DDX18: variants seen among roughly 807,000 people sequenced by gnomAD.
DDX18 encodes DEAD-box helicase 18.
Under a neutral mutation model 73.5 loss-of-function variants are expected in DDX18, and 23 were observed. The observed-to-expected ratio is 0.31, with a 90% CI of 0.23 to 0.44. The LOEUF (loss-of-function observed/expected upper bound fraction) is 0.44, where lower values mean the gene tolerates loss of function less well. DDX18 is among the 20% of genes least tolerant of loss of function. DDX18 has a pLI of 1.00. For synonymous variants in DDX18, 268 were observed against 282.7 expected, an observed-to-expected ratio of 0.95 and a Z score of 0.52; for missense variants, 753 against 792.9, an observed-to-expected ratio of 0.95 and a Z score of 0.60.
chr2:117,819,776 G>T lies in DDX18; in HGVS notation c.498G>T (p.Leu166=), dbSNP rs750919150. The T allele has an allele frequency of 3.8e-6, 6 of 1,591,284 alleles. No individual in the cohort carries two copies. Among genetic ancestry groups the T allele is most frequent in the Non-Finnish European group, 5.1e-6 (6 of 1,172,586 alleles). Residue 166 remains leucine (L), a synonymous_variant, in exon 3 of 14, where the codon CTG becomes CTT. Coordinates refer to ENST00000263239, the MANE Select transcript of DDX18 (RefSeq NM_006773.4). The stretch of plus-strand genomic sequence containing the variant: ...AAGATGAGAGTGAGGTGCCCAGTCT[G>T]CCCCTGGGACTGACAGGTAACGTCC... ...NDEDESEVPS[L]PLGLTGAFED...
rs1171377766 is a variant in DDX18 at position 117,829,353 on chromosome 2, A to C, written c.1757A>C (p.Tyr586Ser). 2 of 1,613,880 alleles carry C rather than the reference A, an allele frequency of 1.2e-6. No individual in the cohort carries two copies. Among genetic ancestry groups the C allele is most frequent in the Non-Finnish European group, 1.7e-6 (2 of 1,179,952 alleles). Reference sequence around the variant, plus strand: ...TCAGCCCAGGAAGCATATAAGTCATACATACGAGCCTATGATTCCCATTCT... The same window carrying C: ...TCAGCCCAGGAAGCATATAAGTCATCCATACGAGCCTATGATTCCCATTCT... The part of the protein sequence containing the change: ...HKSAQEAYKS[Y>S]IRAYDSHSLK... Residue 586 changes from tyrosine to serine, a missense_variant, in exon 13 of 14, where the codon TAC becomes TCC. Physicochemically the swap from Tyr to Ser is moderately radical, Grantham distance 144. Around this residue, in one of 3 missense-constraint regions of DDX18, gnomAD observed 402 missense variants for 419.4 expected, o/e 0.96. Coordinates refer to ENST00000263239, the MANE Select transcript of DDX18 (RefSeq NM_006773.4).
chr2:117,825,551 T>G lies in DDX18; in HGVS notation c.1473T>G (p.Ile491Met), dbSNP rs751260668. Residue 491 changes from isoleucine to methionine, a missense_variant, in exon 10 of 14, where the codon ATT (isoleucine) becomes ATG (methionine). By Grantham distance (10) the Ile-to-Met change is conservative. Around this residue, in one of 3 missense-constraint regions of DDX18, gnomAD observed 402 missense variants for 419.4 expected, o/e 0.96. Coordinates refer to ENST00000263239, the MANE Select transcript of DDX18 (RefSeq NM_006773.4). Reference sequence around the variant, plus strand: ...ATGTGGCAGCGAGAGGACTAGACATTCCTGAAGTCGACTGGATTGTTCAGT... The same window carrying G: ...ATGTGGCAGCGAGAGGACTAGACATGCCTGAAGTCGACTGGATTGTTCAGT... ...CTDVAARGLD[I>M]PEVDWIVQYD... The G allele has an allele frequency of 6.2e-7, 1 of 1,614,188 alleles. No individual in the cohort carries two copies. The highest frequency in any genetic ancestry group is 8.5e-7 in the Non-Finnish European group (1 of 1,180,002).
intron 11 of DDX18, chr2:117,827,113 C>T (rs1295516666): frequency 6.6e-6 from 1 of 152,274 alleles, no homozygotes; most frequent in African/African-American, 2.4e-5. Flanking sequence ...TCCTGCCTGA[C>T]ATTTACATCC....
At position 117,830,871 on chromosome 2, in the gene DDX18, T is replaced by TA. The variant is rs1361148993; in HGVS notation, c.*148dup. On this transcript the variant is annotated 3_prime_UTR_variant, in exon 14 of 14. Transcript: ENST00000263239. The stretch of plus-strand genomic sequence containing the variant: ...TTGGGTTGCAAGCACTGAGCACTGT[T>TA]ACTTCTATCACGTCTCTCTTTTATT... The TA allele has an allele frequency of 1.8e-5, 15 of 836,332 alleles. No homozygotes were observed. The highest frequency in any genetic ancestry group is 9.2e-6 in the Non-Finnish European group (5 of 541,308). 51.8% of individuals were successfully genotyped at this position (836,332 alleles called of 1,614,324 possible). A position where few individuals can be genotyped will look rare whatever the true frequency, so the allele number is the denominator to read the frequency against.
chr2:117,829,559 C>T, intron 13 of DDX18, 93 bp downstream of exon 13: 1 of 1,179,624 alleles, frequency 8.5e-7, no homozygotes, highest in South Asian at 1.5e-5. Context: ...GGTATGTGTT[C>T]TGGCTCAGAC....
At chr2:117,823,265 T>C (rs991380983) in intron 7 of DDX18, among the ~76,000 whole-genome samples, 4 of 152,196 alleles carry the variant, frequency 2.6e-5, no homozygotes, top group African/African-American at 9.6e-5. Flanking sequence ...ATAGAGATTA[T>C]TGGAGGAAGA....
intron 13 of DDX18, among the ~76,000 whole-genome samples, chr2:117,829,952 G>A (rs1179698995): frequency 6.6e-6 from 1 of 152,134 alleles, no homozygotes; most frequent in South Asian, 2.1e-4. Context: ...ATAAAACTTA[G>A]GTGTTGCTTA....
At position 117,821,190 on chromosome 2, in the gene DDX18, C is replaced by G. The variant is rs771993622; in HGVS notation, c.544C>G (p.Leu182Val). 10 of 1,600,042 alleles carry G rather than the reference C, an allele frequency of 6.2e-6. No homozygotes were observed. Among genetic ancestry groups the G allele is most frequent in the African/African-American group, 2.7e-5 (2 of 74,548 alleles). Residue 182 changes from leucine to valine, a missense_variant, in exon 4 of 14, where the codon CTA becomes GTA. Physicochemically the swap from Leu to Val is conservative, Grantham distance 32 (BLOSUM62 1). Transcript: ENST00000263239. ...GAFEDTSFAS[L>V]CNLVNENTLK... The stretch of plus-strand genomic sequence containing the variant: ...TTTTGAGGATACTTCGTTTGCTTCT[C>G]TATGTAATCTTGTCAATGAAAACAC...
intron 1 of DDX18, among the ~76,000 whole-genome samples, chr2:117,816,528 A>T (rs576767406): frequency 6.6e-6 from 1 of 152,298 alleles, no homozygotes; most frequent in East Asian, 1.9e-4. Context: ...CAGGGGCAAC[A>T]ATAGGCATGG....
intron 13 of DDX18, among the ~76,000 whole-genome samples, chr2:117,830,115 A>G (rs1446807224): frequency 6.6e-6 from 1 of 152,228 alleles, no homozygotes; most frequent in Non-Finnish European, 1.5e-5. Flanking sequence ...TTGGGTCACC[A>G]TCCCCATTGT....
intron 7 of DDX18, among the ~76,000 whole-genome samples, chr2:117,823,346 G>A (rs1368444930): frequency 6.6e-6 from 1 of 152,102 alleles, no homozygotes; most frequent in Non-Finnish European, 1.5e-5. Context: ...TCATATTTAG[G>A]GGGGTTCGGG....
intron 10 of DDX18, chr2:117,825,838 G>GA: frequency 2.1e-6 from 1 of 473,996 alleles, no homozygotes; most frequent in South Asian, 4.5e-5. Flanking sequence ...TCCTTGGAAT[G>GA]ATCTCTTAAG....
At chr2:117,818,807 C>G (rs1386496489) in intron 2 of DDX18, among the ~76,000 whole-genome samples, 1 of 152,130 alleles carries the variant, frequency 6.6e-6, no homozygotes, top group Non-Finnish European at 1.5e-5. Context: ...CAGGCAGAAG[C>G]CACCACACCC....
At chr2:117,825,682 A>G (rs954768520) in intron 10 of DDX18, 83 bp downstream of exon 10, 16 of 1,499,994 alleles carry the variant, frequency 1.1e-5, no homozygotes, top group Non-Finnish European at 1.4e-5. Flanking sequence ...CGGAAACTGC[A>G]TTCCACATTC....
chr2:117,814,912 GGC>G, intron 1 of DDX18, 50 bp downstream of exon 1: 2 of 1,592,442 alleles, frequency 1.3e-6, no homozygotes, highest in Non-Finnish European at 1.7e-6. Context: ...CGCGAGCCCT[GGC>G]GCGTTCGGGC....
chr2:117,820,985 G>A (rs1679837504), intron 3 of DDX18, among the ~76,000 whole-genome samples, 176 bp from the exon 4 acceptor site: 1 of 152,078 alleles, frequency 6.6e-6, no homozygotes, highest in Non-Finnish European at 1.5e-5. Context: ...CGTTAACAGT[G>A]GAGAAACTTG....
rs371796903 is a variant in DDX18, at chr2:117,823,559, C to T, written c.1067-1010C>T. 4.6e-5 allele frequency among the ~76,000 whole-genome samples: 7 copies of T among 152,148 alleles called. No individual in the cohort carries two copies. The East Asian group carries it at 9.6e-4, about 21-fold the overall frequency. On this transcript the variant is annotated intron_variant, in intron 7 of 13. Coordinates refer to ENST00000263239, the MANE Select transcript of DDX18 (RefSeq NM_006773.4). ...TGTACCGAATGATTATTCAGTATGA[C>T]TTTCCAGATGACTGTAGCCTTTTGG...
rs556900726 is a variant in DDX18 at position 117,821,003 on chromosome 2, T to C, written c.515-158T>C. On this transcript the variant is annotated intron_variant, in intron 3 of 13. Transcript: ENST00000263239. ...TAACAGTGGAGAAACTTGAAAGATATAGGGTCTTTTTCTTGATATTATCAC... is the reference window on the plus strand; with the variant it reads ...TAACAGTGGAGAAACTTGAAAGATACAGGGTCTTTTTCTTGATATTATCAC... Among the ~76,000 whole-genome samples the C allele has an allele frequency of 3.2e-3, 491 of 152,326 alleles. 3 individuals carry two copies. The highest frequency in any genetic ancestry group is 5.0e-3 in the Non-Finnish European group (341 of 68,012).
Position 117,817,705 on chromosome 2 carries a change from A to G in DDX18, c.347A>G (p.Lys116Arg), listed in dbSNP as rs773744702. 5 of 1,604,130 alleles carry G rather than the reference A, an allele frequency of 3.1e-6. No homozygotes were observed. In the Admixed American group the frequency reaches 6.9e-5, roughly 22 times the overall value. ...ESKKKKKKKR[K>R]MVNDAEPDTK... ...AAAAAGAAAAAGAAGAAAAAGAGAAAAATGGTGAATGATGCTGAGCCTGGT... is the reference window on the plus strand; with the variant it reads ...AAAAAGAAAAAGAAGAAAAAGAGAAGAATGGTGAATGATGCTGAGCCTGGT... Residue 116 changes from lysine (K) to arginine (R), a missense_variant, in exon 2 of 14, where the codon AAA becomes AGA. Physicochemically the swap from Lys to Arg is conservative, Grantham distance 26. Coordinates refer to ENST00000263239, the MANE Select transcript of DDX18 (RefSeq NM_006773.4).
Sources: allele counts gnomAD v4.1 joint callset (sites outside exome capture counted in the v4.1 genomes callset), GRCh38; gene constraint gnomAD v4.1.1; regional missense constraint gnomAD v4.1.1; transcripts MANE v1.5; gene names NCBI Gene and HGNC (gene_info 2026-07-23, HGNC 2026-07-21).